Variants in HTR1F observed in about 807,000 individuals in gnomAD.
HTR1F encodes the protein 5-hydroxytryptamine receptor 1F, also known as 5-hydroxytryptamine (serotonin) receptor 1F, G protein-coupled.
HTR1F carries 17 observed loss-of-function variants against 24.0 expected under a neutral mutation model. That is an observed-to-expected ratio of 0.71 (90% CI 0.48 to 1.06). The LOEUF (loss-of-function observed/expected upper bound fraction) is 1.06, where lower values mean the gene tolerates loss of function less well. Ranked by LOEUF, HTR1F falls within the 50% of genes least tolerant of loss-of-function variation. HTR1F has a pLI of 0.00. For missense variants in HTR1F, 391 were observed against 427.8 expected, an observed-to-expected ratio of 0.91 and a Z score of 0.76; for synonymous variants, 186 against 156.8, an observed-to-expected ratio of 1.19 and a Z score of -1.39.
At chr3:87,844,377 T>C (rs1704887240) in intron 2 of HTR1F, among the ~76,000 whole-genome samples, 1 of 135,366 alleles carries the variant, frequency 7.4e-6, no homozygotes, top group African/African-American at 3.4e-5. Context: ...ATGGGGTTGT[T>C]TGTTTTTTTC....
intron 2 of HTR1F, among the ~76,000 whole-genome samples, chr3:87,901,885 C>A (rs1706332134): frequency 6.6e-6 from 1 of 152,022 alleles, no homozygotes. Flanking sequence ...TTAAATCTAA[C>A]AAAAGATCAG....
At chr3:87,945,917 G>A (rs566756344) in intron 2 of HTR1F, among the ~76,000 whole-genome samples, 15 of 152,194 alleles carry the variant, frequency 9.9e-5, no homozygotes, top group East Asian at 5.8e-4. Flanking sequence ...CCAAAATGGC[G>A]GTGGGCCACT....
rs1705865390 is a variant in HTR1F, at chr3:87,992,784, G to A, written c.*934G>A. The A allele has an allele frequency of 6.0e-6, 1 of 166,868 alleles. No homozygotes were observed. The highest frequency in any genetic ancestry group is 1.5e-5 in the Non-Finnish European group (1 of 68,076). 10.3% of individuals were successfully genotyped at this position (166,868 alleles called of 1,614,324 possible). On this transcript the variant is annotated 3_prime_UTR_variant, in exon 3 of 3. Transcript: ENST00000319595. Reference sequence around the variant, plus strand: ...ATTGTCTGTGGTATTTTGCACTTCAGTATTTTCCATACCTTTGATTTCAAC... The same window carrying A: ...ATTGTCTGTGGTATTTTGCACTTCAATATTTTCCATACCTTTGATTTCAAC...
chr3:87,803,067 GA>G (rs1704019843), intron 1 of HTR1F, among the ~76,000 whole-genome samples: 1 of 152,068 alleles, frequency 6.6e-6, no homozygotes, highest in Admixed American at 6.6e-5. Flanking sequence ...TAGATTGTAT[GA>G]TTTGGAGCCT....
intron 2 of HTR1F, among the ~76,000 whole-genome samples, chr3:87,867,253 A>G (rs1705449747): frequency 6.6e-6 from 1 of 151,902 alleles, no homozygotes; most frequent in South Asian, 2.1e-4. Flanking sequence ...ACCCTTGATA[A>G]GAATGCAGTA....
intron 2 of HTR1F, among the ~76,000 whole-genome samples, chr3:87,949,834 G>A (rs1226473756): frequency 1.3e-5 from 2 of 152,134 alleles, no homozygotes; most frequent in African/African-American, 4.8e-5. Context: ...TCACCTCACC[G>A]TTCCCAGTTT....
Position 87,920,207 on chromosome 3 carries a change from G to A in HTR1F, c.-42-70501G>A, listed in dbSNP as rs549642910. Among the ~76,000 whole-genome samples the A allele has an allele frequency of 5.9e-5, 9 of 151,942 alleles. No individual in the cohort carries two copies. The South Asian group carries it at 1.7e-3, about 28-fold the overall frequency. On this transcript the variant is annotated intron_variant, in intron 2 of 2. Coordinates refer to ENST00000319595, the MANE Select transcript of HTR1F (RefSeq NM_001322209.2). ...TAAGTGGGAGCTAAGCTATGAGGAT[G>A]CAAAGGCATAAGAATGACACGATGG... is the stretch of plus-strand genomic sequence containing the variant.
chr3:87,799,921 A>G (rs987707983), intron 1 of HTR1F, among the ~76,000 whole-genome samples: 10 of 152,188 alleles, frequency 6.6e-5, no homozygotes, highest in African/African-American at 2.4e-4. Context: ...TATAGTCCAT[A>G]TTCTATCAGA....
chr3:87,812,519 T>A (rs1189085475), intron 1 of HTR1F, among the ~76,000 whole-genome samples: 1 of 152,172 alleles, frequency 6.6e-6, no homozygotes, highest in Non-Finnish European at 1.5e-5. Context: ...AGCATAAACG[T>A]TTGGAAAATT....
At chr3:87,818,431 A>C (rs1385103079) in intron 1 of HTR1F, among the ~76,000 whole-genome samples, 1 of 152,198 alleles carries the variant, frequency 6.6e-6, no homozygotes, top group Non-Finnish European at 1.5e-5. Flanking sequence ...CAAGTACTGC[A>C]CCAAGAAAGC....
At chr3:87,927,246 A>G (rs1281576719) in intron 2 of HTR1F, among the ~76,000 whole-genome samples, 5 of 152,218 alleles carry the variant, frequency 3.3e-5, no homozygotes, top group Non-Finnish European at 4.4e-5. Flanking sequence ...AAAGACAGTT[A>G]TGTCCTGGAG....
intron 2 of HTR1F, among the ~76,000 whole-genome samples, chr3:87,903,448 T>C (rs1706379543): frequency 6.6e-6 from 1 of 151,624 alleles, no homozygotes; most frequent in South Asian, 2.1e-4. Flanking sequence ...AACAACCCCA[T>C]CAAAAAGTGG....
At chr3:87,923,775 A>G (rs1222625177) in intron 2 of HTR1F, among the ~76,000 whole-genome samples, 2 of 151,802 alleles carry the variant, frequency 1.3e-5, no homozygotes, top group East Asian at 3.9e-4. Context: ...CCTTCCTTCT[A>G]TTTATGTGAT....
intron 1 of HTR1F, among the ~76,000 whole-genome samples, chr3:87,794,742 C>T (rs939116753): frequency 6.6e-6 from 1 of 152,038 alleles, no homozygotes; most frequent in Non-Finnish European, 1.5e-5. Flanking sequence ...GCCATCTTGC[C>T]GCATTAGCCA....
rs1434919890 is a variant in HTR1F, at chr3:87,848,353, C to T, written c.-43+26229C>T. Among the ~76,000 whole-genome samples, 17 of 151,774 alleles carry T rather than the reference C, an allele frequency of 1.1e-4. No homozygotes were observed. The East Asian group carries it at 2.9e-3, about 26-fold the overall frequency. On this transcript the variant is annotated intron_variant, in intron 2 of 2. Coordinates refer to ENST00000319595, the MANE Select transcript of HTR1F (RefSeq NM_001322209.2). ...TATTCATGTCTTTTGCCCTTTTGCC[C>T]ATTTTTTAGTGGGATTTTTTTTCTG...
At chr3:87,798,732 G>A (rs1376968021) in intron 1 of HTR1F, among the ~76,000 whole-genome samples, 1 of 152,128 alleles carries the variant, frequency 6.6e-6, no homozygotes. Flanking sequence ...TAAATCAGAA[G>A]CTACTGATCA....
chr3:87,807,153 T>A (rs1314089474), intron 1 of HTR1F, among the ~76,000 whole-genome samples: 2 of 151,974 alleles, frequency 1.3e-5, no homozygotes, highest in Admixed American at 1.3e-4. Context: ...ATTTTTTCTA[T>A]TTCTGTAAAA....
intron 2 of HTR1F, among the ~76,000 whole-genome samples, chr3:87,977,338 A>G (rs1705416447): frequency 6.6e-6 from 1 of 150,962 alleles, no homozygotes; most frequent in African/African-American, 2.4e-5. Context: ...ATCTTCAACA[A>G]CCCTTCATAA....
chr3:87,796,219 T>G (rs1439324041), intron 1 of HTR1F, among the ~76,000 whole-genome samples: 2 of 152,056 alleles, frequency 1.3e-5, no homozygotes, highest in East Asian at 1.9e-4. Flanking sequence ...TGACAAGACT[T>G]GATGATAGAT....
Sources: gnomAD v4.1 joint callset for allele counts (sites outside exome capture counted in the v4.1 genomes callset) on GRCh38, gnomAD v4.1.1 for gene constraint, MANE v1.5 for transcripts, NCBI Gene and HGNC (gene_info 2026-07-23, HGNC 2026-07-21) for gene names.